Variants in HDGFL3 observed in about 807,000 individuals in gnomAD.
HDGFL3 encodes the protein HDGF like 3, also known as hepatoma-derived growth factor-related protein 3.
In HDGFL3, 6 loss-of-function variants were observed where a neutral mutation model predicts 27.6. The ratio of observed to expected loss-of-function variants is 0.22; its 90% CI spans 0.12 to 0.43. The LOEUF (loss-of-function observed/expected upper bound fraction) is 0.43, where lower values mean the gene tolerates loss of function less well. Among genes scored for constraint, HDGFL3 ranks in the 20% least tolerant of loss-of-function variants. The pLI, the probability that HDGFL3 is intolerant of heterozygous loss-of-function variation, is 1.00. For missense variants in HDGFL3, 207 were observed against 250.1 expected (o/e 0.83, Z 1.16); for synonymous variants, 88 against 88.9 (o/e 0.99, Z 0.05).
rs1164571172 is a variant in HDGFL3 at position 83,179,223 on chromosome 15, T to C, written c.85-15148A>G. ...GAGTGCAATTTCCATGTGGCCCATG[T>C]AGCGTGCAGTGCCCTCCTCTCCTGA... On this transcript the variant is annotated intron_variant, in intron 1 of 5. Transcript: ENST00000299633. The C allele has an allele frequency of 6.4e-4, 98 of 152,342 alleles. 1 individual carries two copies. Among genetic ancestry groups the C allele is most frequent in the Admixed American group, 6.4e-3 (98 of 15,282 alleles). 9.4% of individuals were successfully genotyped at this position (152,342 alleles called of 1,614,324 possible). A position where few individuals can be genotyped will look rare whatever the true frequency, so the allele number is the denominator to read the frequency against.
intron 1 of HDGFL3, among the ~76,000 whole-genome samples, chr15:83,177,756 T>C (rs571642223): frequency 6.6e-6 from 1 of 152,300 alleles, no homozygotes; most frequent in South Asian, 2.1e-4. Context: ...TTTAGGAAGA[T>C]ATAGAAAGGA....
At chr15:83,190,445 T>C (rs1367729129) in intron 1 of HDGFL3, among the ~76,000 whole-genome samples, 1 of 152,212 alleles carries the variant, frequency 6.6e-6, no homozygotes, top group Non-Finnish European at 1.5e-5. Context: ...AGAGTTTCTG[T>C]TCACCCATAT....
chr15:83,119,460 C>T, intron 3 of HDGFL3: 3 of 1,059,766 alleles, frequency 2.8e-6, no homozygotes, highest in Non-Finnish European at 4.2e-6. Flanking sequence ...GAAATAGTTT[C>T]ATCTTAGCAG....
downstream of HDGFL3, among the ~76,000 whole-genome samples, chr15:83,125,626 A>G (rs547393132): frequency 2.0e-5 from 3 of 152,360 alleles, no homozygotes; most frequent in East Asian, 5.8e-4. Flanking sequence ...ATTTCTTCTT[A>G]GTAGAAATGA....
chr15:83,144,155 A>G (rs1013221133), intron 5 of HDGFL3, among the ~76,000 whole-genome samples: 1 of 152,096 alleles, frequency 6.6e-6, no homozygotes, highest in African/African-American at 2.4e-5. Flanking sequence ...CCCCCCAGGT[A>G]GTTGGGACTA....
chr15:83,139,274 G>T lies in HDGFL3; in HGVS notation c.608C>A (p.Thr203Asn). ...TSDLQKTSEG[T>N] ...ATGCAGCATTCATTATGGTAGTTAG[G>T]TCTGTAAAAAAAAAAAAAAGAAAGA... The change falls in exon 6 of 6, where the codon ACC becomes AAC. Residue 203 changes from threonine (T) to asparagine (N), a missense_variant and splice_region_variant. Thr to Asn is a moderately conservative substitution (Grantham distance 65, BLOSUM62 0). Transcript: ENST00000299633. 5 of 1,425,366 alleles carry T rather than the reference G, an allele frequency of 3.5e-6. No homozygotes were observed. The highest frequency in any genetic ancestry group is 3.8e-6 in the Non-Finnish European group (4 of 1,066,598). 88.3% of individuals were successfully genotyped at this position (1,425,366 alleles called of 1,614,324 possible).
At position 83,139,042 on chromosome 15, in the gene HDGFL3, A is replaced by G; in HGVS notation, c.*228T>C. 3.0e-6 allele frequency: 1 copy of G among 329,496 alleles called. No homozygotes were observed. The highest frequency in any genetic ancestry group is 1.4e-4 in the South Asian group (1 of 7,004). The allele number at this position is 329,496 out of a possible 1,614,324, so 20.4% of individuals were successfully genotyped here. A position where few individuals can be genotyped will look rare whatever the true frequency, so the allele number is the denominator to read the frequency against. ...ATCCTTAGTGGTTAAGGGCAACTTCATGCAACCAAATAACATGAAATTAAA... is the reference window on the plus strand; with the variant it reads ...ATCCTTAGTGGTTAAGGGCAACTTCGTGCAACCAAATAACATGAAATTAAA... On this transcript the variant is annotated 3_prime_UTR_variant, in exon 6 of 6. Coordinates refer to ENST00000299633, the MANE Select transcript of HDGFL3 (RefSeq NM_016073.4).
rs2036097642 is a variant in HDGFL3 at position 83,129,917 on chromosome 15, T to C, written c.*9353A>G. 6.6e-6 allele frequency: 1 copy of C among 152,334 alleles called. No homozygotes were observed. Among genetic ancestry groups the C allele is most frequent in the Non-Finnish European group, 1.5e-5 (1 of 68,140 alleles). The allele number at this position is 152,334 out of a possible 1,614,324, so 9.4% of individuals were successfully genotyped here. On this transcript the variant is annotated 3_prime_UTR_variant, in exon 6 of 6. Coordinates refer to ENST00000299633, the MANE Select transcript of HDGFL3 (RefSeq NM_016073.4). ...ATTCTCCTGTATCCTTCAGAACAGA[T>C]GGCCGCATACCCACTTCACTCTTGC...
chr15:83,121,855 C>G (rs2035282812), intron 3 of HDGFL3: 1 of 1,128,500 alleles, frequency 8.9e-7, no homozygotes, highest in South Asian at 1.3e-5. Flanking sequence ...TATTGAAGAT[C>G]ATTTTTTGCT....
intron 1 of HDGFL3, among the ~76,000 whole-genome samples, chr15:83,204,510 T>C (rs1338595638): frequency 6.6e-6 from 1 of 152,214 alleles, no homozygotes; most frequent in African/African-American, 2.4e-5. Flanking sequence ...GCAAGTAGAA[T>C]GAAATTTAAT....
In HDGFL3 at chr15:83,115,637, T is replaced by C. The variant is rs541014698; in HGVS notation, c.*72A>G. 70 of 681,642 alleles carry C rather than the reference T, an allele frequency of 1.0e-4. No homozygotes were observed. The East Asian group carries it at 1.5e-3, about 14-fold the overall frequency. The allele number at this position is 681,642 out of a possible 1,614,324, so 42.2% of individuals were successfully genotyped here. A position where few individuals can be genotyped will look rare whatever the true frequency, so the allele number is the denominator to read the frequency against. On this transcript the variant is annotated 3_prime_UTR_variant, in exon 4 of 4. Transcript: ENST00000568294. ...GTGATGAGTGTTCCCTTGATGAGAG[T>C]ACTTAGGCAGGGATGGGGAGAGCTG...
At chr15:83,198,169 G>C (rs947075183) in intron 1 of HDGFL3, among the ~76,000 whole-genome samples, 17 of 151,836 alleles carry the variant, frequency 1.1e-4, no homozygotes, top group Non-Finnish European at 2.5e-4. Context: ...TAACCTTTTG[G>C]GATCAGGGGA....
intron 1 of HDGFL3, chr15:83,185,847 T>C (rs571724996): frequency 6.6e-6 from 1 of 152,420 alleles, no homozygotes; most frequent in African/African-American, 2.4e-5. Flanking sequence ...CAAAGGGGAT[T>C]GGATGCCACT....
chr15:83,121,868 G>A, intron 3 of HDGFL3: 7 of 1,321,362 alleles, frequency 5.3e-6, no homozygotes, highest in Non-Finnish European at 7.5e-6. Context: ...TTTTTGCTTA[G>A]TATTCTAAGA....
intron 5 of HDGFL3, among the ~76,000 whole-genome samples, chr15:83,150,473 A>G (rs2036949945): frequency 2.6e-5 from 4 of 152,214 alleles, no homozygotes; most frequent in Admixed American, 2.6e-4. Context: ...GTAATTATAG[A>G]TAACTGGGAT....
chr15:83,205,777 A>G (rs1281197690), intron 1 of HDGFL3, among the ~76,000 whole-genome samples: 1 of 152,234 alleles, frequency 6.6e-6, no homozygotes, highest in Admixed American at 6.5e-5. Context: ...TGAAGTCACA[A>G]ATATATTCAG....
intron 1 of HDGFL3, among the ~76,000 whole-genome samples, chr15:83,174,715 T>C (rs1373664926): frequency 6.6e-6 from 1 of 152,212 alleles, no homozygotes; most frequent in Non-Finnish European, 1.5e-5. Context: ...AGGCACTGAA[T>C]TACTAGTTGA....
intron 1 of HDGFL3, among the ~76,000 whole-genome samples, chr15:83,186,560 C>G (rs1329331844): frequency 6.6e-6 from 1 of 152,136 alleles, no homozygotes; most frequent in African/African-American, 2.4e-5. Flanking sequence ...TTTCTGTATT[C>G]TGAAATAATA....
intron 5 of HDGFL3, among the ~76,000 whole-genome samples, chr15:83,149,228 G>A (rs2036935359): frequency 6.6e-6 from 1 of 152,190 alleles, no homozygotes; most frequent in Non-Finnish European, 1.5e-5. Flanking sequence ...GATAATGAAT[G>A]CAGACCACGC....
Sources: allele counts gnomAD v4.1 joint callset (sites outside exome capture counted in the v4.1 genomes callset), GRCh38; gene constraint gnomAD v4.1.1; transcripts MANE v1.5; gene names NCBI Gene and HGNC (gene_info 2026-07-23, HGNC 2026-07-21).